UXS1: variants seen among roughly 807,000 people sequenced by gnomAD.
UXS1 encodes the protein UDP-glucuronate decarboxylase 1.
Under a neutral mutation model 62.6 loss-of-function variants are expected in UXS1, and 33 were observed. That is an observed-to-expected ratio of 0.53 (90% CI 0.40 to 0.70). The LOEUF (loss-of-function observed/expected upper bound fraction) is 0.70. UXS1 is among the 30% of genes least tolerant of loss of function. The probability of loss-of-function intolerance (pLI) is 0.00; values close to 1 mark genes in which losing one functional copy is unlikely to be tolerated. For missense variants in UXS1, 434 were observed against 556.3 expected (o/e 0.78, Z 2.21); for synonymous variants, 213 against 206.8 (o/e 1.03, Z -0.26).
At chr2:106,171,438 G>C (rs890334868) in intron 1 of UXS1, among the ~76,000 whole-genome samples, 2 of 152,176 alleles carry the variant, frequency 1.3e-5, no homozygotes, top group Non-Finnish European at 2.9e-5. Flanking sequence ...AGACTAGAGG[G>C]GAGTCTCATG....
chr2:106,176,782 T>G (rs933129172), intron 1 of UXS1, among the ~76,000 whole-genome samples: 22 of 152,226 alleles, frequency 1.4e-4, no homozygotes, highest in African/African-American at 5.1e-4. Flanking sequence ...GCTCCAAGCC[T>G]AAAGCAAAGG....
chr2:106,186,453 T>TACACACACACAC (rs753781104), intron 1 of UXS1, among the ~76,000 whole-genome samples: 2 of 11,436 alleles, frequency 1.7e-4, no homozygotes, highest in East Asian at 3.7e-3. Flanking sequence ...TATATATATA[T>TACACACACACAC]ATATACACAC....
intron 4 of UXS1, 22 bp from the exon 5 acceptor site, chr2:106,158,140 A>G (rs1406108903): frequency 6.5e-7 from 1 of 1,529,680 alleles, no homozygotes; most frequent in Non-Finnish European, 8.9e-7. Context: ...AAAGAGATTC[A>G]AAAGGAAAAA....
chr2:106,100,949 G>T, intron 12 of UXS1, 109 bp downstream of exon 12: 1 of 1,337,786 alleles, frequency 7.5e-7, no homozygotes, highest in Non-Finnish European at 1.1e-6. Flanking sequence ...AAACACAAAT[G>T]TCCTAAGTGT....
intron 11 of UXS1, 79 bp from the exon 12 acceptor site, chr2:106,101,197 GAAGAA>G (rs1677567047): frequency 6.9e-7 from 1 of 1,455,982 alleles, no homozygotes; most frequent in African/African-American, 1.4e-5. Context: ...AGCCCTCCCA[GAAGAA>G]AAATTACCAC....
intron 3 of UXS1, among the ~76,000 whole-genome samples, chr2:106,164,350 CA>C (rs1484169838): frequency 6.6e-6 from 1 of 152,226 alleles, no homozygotes; most frequent in South Asian, 2.1e-4. Context: ...GGTGGGTGTG[CA>C]ACGTCTCCAT....
chr2:106,143,423 A>AAAAAAAAAAAAAAAAAAAAAAAAG (rs1681301467), intron 6 of UXS1, among the ~76,000 whole-genome samples: 1 of 147,610 alleles, frequency 6.8e-6, no homozygotes, highest in Non-Finnish European at 1.5e-5. Flanking sequence ...AAAAAAAAAA[A>AAAAAAAAAAAAAAAAAAAAAAAAG]AAAAAAAAAA....
rs1681413175 is a variant in UXS1, at chr2:106,144,681, G to A, written c.472+509C>T. ...CAAGATCAAGGGGTTGGCAGATTGG[G>A]TGCTGGTGAGGACCTGCTTCCTGGT... On this transcript the variant is annotated intron_variant, in intron 6 of 14. Transcript: ENST00000283148. Among the ~76,000 whole-genome samples, 4 of 152,302 alleles carry A rather than the reference G, an allele frequency of 2.6e-5. No individual in the cohort carries two copies. In the South Asian group the frequency reaches 8.3e-4, roughly 32 times the overall value.
At chr2:106,119,515 GC>G (rs1679346763) in intron 9 of UXS1, among the ~76,000 whole-genome samples, 1 of 152,176 alleles carries the variant, frequency 6.6e-6, no homozygotes, top group Non-Finnish European at 1.5e-5. Context: ...AGGCATTCCA[GC>G]CCCCAGTTCC....
At chr2:106,168,227 C>CT (rs1258373143) in intron 1 of UXS1, among the ~76,000 whole-genome samples, 1 of 152,180 alleles carries the variant, frequency 6.6e-6, no homozygotes, top group African/African-American at 2.4e-5. Flanking sequence ...AAGAAGCTGA[C>CT]TAAAACCCAC....
chr2:106,100,995 A>G (rs779090490), intron 12 of UXS1, 63 bp downstream of exon 12: 18 of 1,596,886 alleles, frequency 1.1e-5, no homozygotes, highest in Non-Finnish European at 1.5e-5. Flanking sequence ...GGTGCTGCTC[A>G]TGGTTTCACA....
At chr2:106,140,033 G>C (rs990020057) in intron 6 of UXS1, among the ~76,000 whole-genome samples, 3 of 152,178 alleles carry the variant, frequency 2.0e-5, no homozygotes, top group African/African-American at 7.2e-5. Context: ...ATTTAGGATG[G>C]AAAACAGGAA....
chr2:106,145,672 T>A (rs1208759331), intron 5 of UXS1, among the ~76,000 whole-genome samples: 1 of 152,176 alleles, frequency 6.6e-6, no homozygotes, highest in Non-Finnish European at 1.5e-5. Context: ...TTCCCATTAG[T>A]CAAAGGTTCT....
intron 1 of UXS1, among the ~76,000 whole-genome samples, chr2:106,180,967 T>C (rs984528604): frequency 6.6e-6 from 1 of 152,254 alleles, no homozygotes; most frequent in African/African-American, 2.4e-5. Context: ...GACAATATTT[T>C]ACCTCAAACG....
At chr2:106,098,663 C>T in intron 13 of UXS1, 53 bp downstream of exon 13, 1 of 1,477,714 alleles carries the variant, frequency 6.8e-7, no homozygotes, top group Non-Finnish European at 9.4e-7. Context: ...GTGTTATTAA[C>T]AGATAGGGCA....
intron 13 of UXS1, chr2:106,097,437 C>G: frequency 2.9e-6 from 1 of 348,682 alleles, no homozygotes; most frequent in South Asian, 2.1e-5. Context: ...GAGGCTTTCC[C>G]TGCCTCCGTG....
At chr2:106,124,860 C>G (rs1163433209) in intron 8 of UXS1, among the ~76,000 whole-genome samples, 1 of 152,026 alleles carries the variant, frequency 6.6e-6, no homozygotes, top group African/African-American at 2.4e-5. Context: ...ATTTGGTTTC[C>G]TTAATTAAAA....
At chr2:106,156,228 A>G (rs935980461) in intron 5 of UXS1, among the ~76,000 whole-genome samples, 1 of 152,242 alleles carries the variant, frequency 6.6e-6, no homozygotes, top group Non-Finnish European at 1.5e-5. Context: ...ATAGGATAAT[A>G]TCTAATAGAA....
intron 12 of UXS1, chr2:106,100,853 C>T: frequency 8.0e-6 from 5 of 627,798 alleles, no homozygotes; most frequent in Non-Finnish European, 5.5e-6. Flanking sequence ...GATTACATCA[C>T]TCACCCGTGC....
Sources: allele counts gnomAD v4.1 joint callset (sites outside exome capture counted in the v4.1 genomes callset), GRCh38; gene constraint gnomAD v4.1.1; transcripts MANE v1.5; gene names NCBI Gene and HGNC (gene_info 2026-07-23, HGNC 2026-07-21).